The following MCTP2 variants were observed in gnomAD, a reference collection of about 807,000 sequenced individuals.
MCTP2 encodes the protein multiple C2 and transmembrane domain containing 2, also known as multiple C2 and transmembrane domain-containing protein 2.
MCTP2 carries 132 observed loss-of-function variants against 111.6 expected under a neutral mutation model. The ratio of observed to expected loss-of-function variants is 1.18; its 90% CI spans 1.03 to 1.37. The LOEUF is 1.37. Among genes scored for constraint, MCTP2 ranks in the 40% most tolerant of loss-of-function variants. The probability of loss-of-function intolerance (pLI) is 0.00; values close to 1 mark genes in which losing one functional copy is unlikely to be tolerated. For missense variants in MCTP2, 1,183 were observed against 1,067.9 expected, an observed-to-expected ratio of 1.11 and a Z score of -1.50; for synonymous variants, 395 against 387.7, an observed-to-expected ratio of 1.02 and a Z score of -0.22.
Position 94,340,894 on chromosome 15 carries a change from A to G in MCTP2, c.939A>G (p.Leu313=), listed in dbSNP as rs1459321731. The G allele has an allele frequency of 6.2e-7, 1 of 1,611,400 alleles. No homozygotes were observed. The highest frequency in any genetic ancestry group is 1.1e-5 in the South Asian group (1 of 91,020). The change falls in exon 7 of 23, where the codon CTA becomes CTG. Residue 313 remains leucine, a synonymous_variant. Coordinates refer to ENST00000357742, the MANE Select transcript of MCTP2 (RefSeq NM_001385001.1). Reference sequence around the variant, plus strand: ...GAGTGATCGTGTTAAATTTGAACCTAGTGGTAAAACAGGGTGATTTCAAGA... The same window carrying G: ...GAGTGATCGTGTTAAATTTGAACCTGGTGGTAAAACAGGGTGATTTCAAGA... ...DMGVIVLNLN[L]VVKQGDFKRH...
chr15:94,404,557 C>T (rs1044022698), intron 17 of MCTP2, among the ~76,000 whole-genome samples: 4 of 152,116 alleles, frequency 2.6e-5, no homozygotes, highest in Non-Finnish European at 4.4e-5. Flanking sequence ...TCTCGGCCTC[C>T]CAAAGTGCTA....
At chr15:94,348,142 G>A (rs1016761901) in intron 8 of MCTP2, among the ~76,000 whole-genome samples, 3 of 151,574 alleles carry the variant, frequency 2.0e-5, no homozygotes, top group Admixed American at 6.6e-5. Flanking sequence ...TTTTCTGTAC[G>A]AAATTAATTG....
At chr15:94,350,325 T>C (rs11074267) in intron 8 of MCTP2, among the ~76,000 whole-genome samples, 68,520 of 152,078 alleles carry the variant, frequency 0.45, 15,648 homozygotes, top group African/African-American at 0.51. Context: ...CGGTGGCTCA[T>C]GCCTGTAATC....
intron 19 of MCTP2, 45 bp downstream of exon 19, chr15:94,443,005 T>G: frequency 1.3e-6 from 2 of 1,551,782 alleles, no homozygotes; most frequent in African/African-American, 1.4e-5. Flanking sequence ...ACACTAGTGT[T>G]GTCAACAGAT....
At chr15:94,464,607 CTT>C (rs1485802516) in intron 20 of MCTP2, among the ~76,000 whole-genome samples, 3 of 151,838 alleles carry the variant, frequency 2.0e-5, no homozygotes, top group African/African-American at 7.2e-5. Flanking sequence ...AATTAGATCA[CTT>C]ATTTTCAGTC....
chr15:94,353,980 T>C (rs959700655), intron 8 of MCTP2, among the ~76,000 whole-genome samples: 4 of 151,484 alleles, frequency 2.6e-5, no homozygotes, highest in African/African-American at 9.7e-5. Flanking sequence ...CATAAACCTT[T>C]ATTGAGTATA....
At chr15:94,379,846 G>GAT (rs200722241) in intron 12 of MCTP2, among the ~76,000 whole-genome samples, 5 of 133,262 alleles carry the variant, frequency 3.8e-5, no homozygotes, top group African/African-American at 1.5e-4. Flanking sequence ...AATTATATAT[G>GAT]ATATATATAT....
chr15:94,409,601 G>T (rs1036735137), intron 17 of MCTP2, among the ~76,000 whole-genome samples: 1 of 151,890 alleles, frequency 6.6e-6, no homozygotes, highest in Non-Finnish European at 1.5e-5. Flanking sequence ...CAGATTTTAG[G>T]ATCTTCAATC....
chr15:94,421,685 T>G (rs1005350590), intron 17 of MCTP2, among the ~76,000 whole-genome samples: 2 of 152,202 alleles, frequency 1.3e-5, no homozygotes, highest in Non-Finnish European at 2.9e-5. Flanking sequence ...TTCTGGGCTT[T>G]CTTCTGCTTC....
intron 19 of MCTP2, among the ~76,000 whole-genome samples, chr15:94,448,725 T>C (rs1040051512): frequency 6.6e-6 from 1 of 152,196 alleles, no homozygotes; most frequent in Non-Finnish European, 1.5e-5. Flanking sequence ...TTGCTTAGAA[T>C]TGTCACATCA....
At chr15:94,268,544 T>G (rs1011348011) in intron 1 of MCTP2, among the ~76,000 whole-genome samples, 2 of 152,156 alleles carry the variant, frequency 1.3e-5, no homozygotes, top group African/African-American at 4.8e-5. Flanking sequence ...CTCGTTTTCT[T>G]GGGAAAGTGT....
Position 94,385,528 on chromosome 15 carries a change from A to T in MCTP2, c.1788+3A>T, listed in dbSNP as rs775052454. On this transcript the variant is annotated splice_donor_region_variant and intron_variant, in intron 14 of 22. Transcript: ENST00000357742. Reference sequence around the variant, plus strand: ...AAGTTGCCATTCCCTTGCTGTCCGTAAGTTTCCTTTATTAATAAACAATTT... The same window carrying T: ...AAGTTGCCATTCCCTTGCTGTCCGTTAGTTTCCTTTATTAATAAACAATTT... The T allele has an allele frequency of 1.3e-6, 2 of 1,592,658 alleles. No individual in the cohort carries two copies. Among genetic ancestry groups the T allele is most frequent in the Non-Finnish European group, 1.7e-6 (2 of 1,160,910 alleles).
At chr15:94,248,403 A>G (rs1009580215) in intron 1 of MCTP2, among the ~76,000 whole-genome samples, 2 of 152,196 alleles carry the variant, frequency 1.3e-5, no homozygotes, top group Non-Finnish European at 2.9e-5. Context: ...ACTGTGGCTC[A>G]GTAGATCCTA....
At chr15:94,402,833 CTA>C in intron 17 of MCTP2, 1 of 1,315,426 alleles carries the variant, frequency 7.6e-7, no homozygotes. Flanking sequence ...ACTATAAAAA[CTA>C]ATACGAGGTA....
At chr15:94,466,244 T>C (rs760970726) in intron 20 of MCTP2, among the ~76,000 whole-genome samples, 1 of 152,170 alleles carries the variant, frequency 6.6e-6, no homozygotes, top group Non-Finnish European at 1.5e-5. Context: ...TTTTGCTGGC[T>C]CTTACTCATG....
intron 1 of MCTP2, among the ~76,000 whole-genome samples, chr15:94,293,723 A>G (rs2075132338): frequency 6.6e-6 from 1 of 152,234 alleles, no homozygotes. Flanking sequence ...CTAAGTCCTC[A>G]GTAGGATATA....
intron 4 of MCTP2, among the ~76,000 whole-genome samples, chr15:94,315,858 C>T (rs545052593): frequency 1.3e-5 from 2 of 152,280 alleles, no homozygotes; most frequent in African/African-American, 2.4e-5. Context: ...CGAATCATCA[C>T]GTGAAGTTGT....
chr15:94,310,905 G>A (rs887656967), intron 2 of MCTP2, among the ~76,000 whole-genome samples: 6 of 151,712 alleles, frequency 4.0e-5, no homozygotes, highest in African/African-American at 1.4e-4. Flanking sequence ...ATATGTCAGT[G>A]CACTCCAGCC....
chr15:94,444,592 T>C (rs963204168), intron 19 of MCTP2, among the ~76,000 whole-genome samples: 2 of 152,184 alleles, frequency 1.3e-5, no homozygotes, highest in African/African-American at 4.8e-5. Context: ...CAAAAGATGC[T>C]CTTCTCATCT....
Sources: gnomAD v4.1 joint callset for allele counts (sites outside exome capture counted in the v4.1 genomes callset) on GRCh38, gnomAD v4.1.1 for gene constraint, MANE v1.5 for transcripts, NCBI Gene and HGNC (gene_info 2026-07-23, HGNC 2026-07-21) for gene names.